SCAPER: variants seen among roughly 807,000 people sequenced by gnomAD.
SCAPER encodes the protein S phase cyclin A-associated protein in the endoplasmic reticulum.
SCAPER carries 98 observed loss-of-function variants against 182.2 expected under a neutral mutation model. The ratio of observed to expected loss-of-function variants is 0.54; its 90% CI spans 0.46 to 0.64. SCAPER has a LOEUF of 0.64. Ranked by LOEUF, SCAPER falls within the 30% of genes least tolerant of loss-of-function variation. The pLI is 0.00. For missense variants in SCAPER, 1,432 were observed against 1,690.0 expected (o/e 0.85, Z 2.68); for synonymous variants, 605 against 564.6 (o/e 1.07, Z -1.01).
intron 17 of SCAPER, among the ~76,000 whole-genome samples, chr15:76,723,187 C>T (rs950203345): frequency 8.5e-5 from 13 of 152,162 alleles, no homozygotes; most frequent in Non-Finnish European, 1.8e-4. Flanking sequence ...TCATTATTTA[C>T]CCAGTAGTCA....
At chr15:76,587,857 T>A (rs1356063764) in intron 22 of SCAPER, among the ~76,000 whole-genome samples, 1 of 152,164 alleles carries the variant, frequency 6.6e-6, no homozygotes, top group Non-Finnish European at 1.5e-5. Flanking sequence ...ACCTGCCTAG[T>A]GCTGTCAGTG....
chr15:76,376,279 T>G lies in SCAPER; in HGVS notation c.3738A>C (p.Ala1246=). 1.9e-6 allele frequency: 3 copies of G among 1,613,834 alleles called. No individual in the cohort carries two copies. Among genetic ancestry groups the G allele is most frequent in the Non-Finnish European group, 2.5e-6 (3 of 1,179,798 alleles). The change falls in exon 29 of 32, where the codon GCA becomes GCC. Residue 1246 remains alanine, a synonymous_variant. Transcript: ENST00000563290. The part of the protein sequence containing the change: ...SIVGAEGLSL[A]FRHMASSLLG... ...GCAGGGAGCTGGCCATGTGCCGGAATGCAAGGGACAAGCCCTCTGCCCCTA... is the reference window on the plus strand; with the variant it reads ...GCAGGGAGCTGGCCATGTGCCGGAAGGCAAGGGACAAGCCCTCTGCCCCTA...
intron 11 of SCAPER, among the ~76,000 whole-genome samples, 158 bp downstream of exon 11, chr15:76,766,760 C>T (rs1314256188): frequency 6.6e-6 from 1 of 152,190 alleles, no homozygotes; most frequent in Non-Finnish European, 1.5e-5. Flanking sequence ...TTGTGTAAGT[C>T]TAAATCACCC....
intron 21 of SCAPER, among the ~76,000 whole-genome samples, chr15:76,657,989 C>T (rs1483732896): frequency 6.6e-6 from 1 of 152,056 alleles, no homozygotes; most frequent in Admixed American, 6.6e-5. Context: ...GGAAGCACTG[C>T]CCTTGAGAAA....
intron 17 of SCAPER, among the ~76,000 whole-genome samples, chr15:76,713,518 C>G (rs1240195716): frequency 6.6e-6 from 1 of 151,946 alleles, no homozygotes; most frequent in Non-Finnish European, 1.5e-5. Context: ...TCTCAGCAAA[C>G]TATCGCAAGG....
rs536567409 is a variant in SCAPER, at chr15:76,485,262, C to T, written c.2955-13927G>A. 3.1e-3 allele frequency among the ~76,000 whole-genome samples: 471 copies of T among 152,190 alleles called. 5 individuals carry two copies. Among genetic ancestry groups the T allele is most frequent in the African/African-American group, 0.011 (450 of 41,542 alleles). The stretch of plus-strand genomic sequence containing the variant: ...ACAACAGTCAAGCTAAGAGCCAAAT[C>T]AGGAACATACTCCCATTCACAACTG... On this transcript the variant is annotated intron_variant, in intron 24 of 31. Transcript: ENST00000563290.
intron 20 of SCAPER, among the ~76,000 whole-genome samples, chr15:76,700,108 T>C (rs530656150): frequency 6.6e-6 from 1 of 152,310 alleles, no homozygotes; most frequent in African/African-American, 2.4e-5. Flanking sequence ...CAAGAAGGCA[T>C]GGCCAGGCAA....
At chr15:76,473,962 C>A (rs141542597) in intron 24 of SCAPER, among the ~76,000 whole-genome samples, 37 of 152,170 alleles carry the variant, frequency 2.4e-4, no homozygotes, top group Non-Finnish European at 4.7e-4. Context: ...CACGCGTGTG[C>A]CACCACACCC....
At chr15:76,680,458 G>A (rs927243089) in intron 20 of SCAPER, among the ~76,000 whole-genome samples, 3 of 148,690 alleles carry the variant, frequency 2.0e-5, no homozygotes, top group Non-Finnish European at 4.5e-5. Flanking sequence ...ATAATACAGG[G>A]GCCAATTAAG....
chr15:76,622,534 A>G (rs1035019238), intron 21 of SCAPER, among the ~76,000 whole-genome samples: 1 of 152,202 alleles, frequency 6.6e-6, no homozygotes, highest in African/African-American at 2.4e-5. Context: ...CTAAATTGGA[A>G]TAAAATAAAA....
chr15:76,727,127 T>G (rs772600182), intron 17 of SCAPER, among the ~76,000 whole-genome samples: 2 of 152,002 alleles, frequency 1.3e-5, no homozygotes. Context: ...AAGACCTAAA[T>G]CAGTAGAAAA....
At chr15:76,526,651 C>A (rs1014362875) in intron 23 of SCAPER, among the ~76,000 whole-genome samples, 1 of 151,904 alleles carries the variant, frequency 6.6e-6, no homozygotes. Flanking sequence ...ATACTATGAC[C>A]CAAGCTATTA....
At chr15:76,879,633 C>T (rs2073405906) in intron 2 of SCAPER, among the ~76,000 whole-genome samples, 1 of 152,116 alleles carries the variant, frequency 6.6e-6, no homozygotes, top group Admixed American at 6.5e-5. Context: ...TTTTTGATGA[C>T]ACTGTTGAGC....
At chr15:76,861,137 C>A (rs1037152880) in intron 3 of SCAPER, among the ~76,000 whole-genome samples, 6 of 152,062 alleles carry the variant, frequency 3.9e-5, no homozygotes, top group African/African-American at 1.4e-4. Flanking sequence ...TAACAAATCA[C>A]CACTTTGCAA....
At chr15:76,703,978 TATA>T (rs1337237517) in intron 18 of SCAPER, among the ~76,000 whole-genome samples, 2 of 152,184 alleles carry the variant, frequency 1.3e-5, no homozygotes, top group Non-Finnish European at 2.9e-5. Flanking sequence ...ATAACTGTGA[TATA>T]ATATGAAACA....
intron 21 of SCAPER, among the ~76,000 whole-genome samples, chr15:76,632,074 T>C (rs900598014): frequency 1.3e-5 from 2 of 152,216 alleles, no homozygotes; most frequent in Non-Finnish European, 2.9e-5. Flanking sequence ...CTTGATCTAT[T>C]TGGCGACTGA....
intron 21 of SCAPER, among the ~76,000 whole-genome samples, chr15:76,628,029 T>G (rs1262376406): frequency 6.6e-6 from 1 of 152,242 alleles, no homozygotes; most frequent in Non-Finnish European, 1.5e-5. Flanking sequence ...TTTACATTTC[T>G]CTAATGATCA....
chr15:76,713,528 G>A (rs1356279934), intron 17 of SCAPER, among the ~76,000 whole-genome samples: 4 of 151,300 alleles, frequency 2.6e-5, no homozygotes, highest in Non-Finnish European at 4.4e-5. Flanking sequence ...CTATCGCAAG[G>A]ACAAAAAACC....
chr15:76,723,772 G>T (rs914271368), intron 17 of SCAPER, among the ~76,000 whole-genome samples: 5 of 152,054 alleles, frequency 3.3e-5, no homozygotes, highest in African/African-American at 1.2e-4. Context: ...TTTTCCATTT[G>T]CCTGGTAGAT....
Sources: gnomAD v4.1 joint callset for allele counts (sites outside exome capture counted in the v4.1 genomes callset) on GRCh38, gnomAD v4.1.1 for gene constraint, MANE v1.5 for transcripts, NCBI Gene and HGNC (gene_info 2026-07-23, HGNC 2026-07-21) for gene names.